Variants in MAGI2 observed in about 807,000 individuals in gnomAD.
MAGI2 encodes the protein membrane-associated guanylate kinase, WW and PDZ domain-containing protein 2.
In MAGI2, 35 loss-of-function variants were observed where a neutral mutation model predicts 133.3. The observed-to-expected ratio is 0.26, with a 90% confidence interval of 0.20 to 0.35. The LOEUF (loss-of-function observed/expected upper bound fraction) is 0.35. Among genes scored for constraint, MAGI2 ranks in the 10% least tolerant of loss-of-function variants. MAGI2 has a pLI of 1.00. For missense variants in MAGI2, 1,636 were observed against 1,863.4 expected (o/e 0.88, Z 2.25); for synonymous variants, 729 against 710.6 (o/e 1.03, Z -0.41).
At chr7:78,903,142 C>T (rs577210625) in intron 2 of MAGI2, among the ~76,000 whole-genome samples, 6 of 135,260 alleles carry the variant, frequency 4.4e-5, no homozygotes, top group African/African-American at 1.4e-4. Context: ...GCCACTTTCT[C>T]GGGATTCATG....
intron 3 of MAGI2, among the ~76,000 whole-genome samples, chr7:78,542,652 C>T (rs1028053255): frequency 1.3e-5 from 2 of 152,066 alleles, no homozygotes; most frequent in Non-Finnish European, 2.9e-5. Context: ...AGCATGAAGT[C>T]CCTGGGAAAG....
chr7:78,277,999 G>A (rs1048006381), intron 9 of MAGI2, among the ~76,000 whole-genome samples: 5 of 152,154 alleles, frequency 3.3e-5, no homozygotes, highest in Non-Finnish European at 7.3e-5. Context: ...ATGTGAATTT[G>A]AAAGTTTAGC....
At chr7:79,335,829 A>G (rs1344944245) in intron 1 of MAGI2, among the ~76,000 whole-genome samples, 2 of 152,086 alleles carry the variant, frequency 1.3e-5, no homozygotes, top group Non-Finnish European at 2.9e-5. Flanking sequence ...TAGGCAATAT[A>G]TATCTCCTTG....
At chr7:78,676,725 A>T (rs751122236) in intron 2 of MAGI2, among the ~76,000 whole-genome samples, 21 of 152,198 alleles carry the variant, frequency 1.4e-4, no homozygotes, top group Admixed American at 4.6e-4. Context: ...TGGATGAATA[A>T]TCATACCTAG....
At chr7:79,064,126 T>G (rs1814068156) in intron 1 of MAGI2, among the ~76,000 whole-genome samples, 1 of 152,062 alleles carries the variant, frequency 6.6e-6, no homozygotes, top group African/African-American at 2.4e-5. Flanking sequence ...AAAAAATATA[T>G]AGTCACATGG....
At chr7:78,088,728 G>A (rs946291412) in intron 20 of MAGI2, among the ~76,000 whole-genome samples, 1 of 152,132 alleles carries the variant, frequency 6.6e-6, no homozygotes, top group African/African-American at 2.4e-5. Context: ...CAGGAGCAAA[G>A]GGTAAGAAAT....
intron 1 of MAGI2, among the ~76,000 whole-genome samples, chr7:79,039,769 G>A (rs965705709): frequency 4.0e-5 from 6 of 149,292 alleles, no homozygotes; most frequent in African/African-American, 1.5e-4. Context: ...ATCACTTGAG[G>A]TTAGGAGTTC....
intron 2 of MAGI2, among the ~76,000 whole-genome samples, chr7:78,822,526 T>C (rs889541218): frequency 6.6e-6 from 1 of 152,182 alleles, no homozygotes; most frequent in Non-Finnish European, 1.5e-5. Flanking sequence ...GCTTTTTTCT[T>C]GCCTTCCTTC....
At chr7:79,221,493 C>A (rs1027664161) in intron 1 of MAGI2, among the ~76,000 whole-genome samples, 1 of 151,946 alleles carries the variant, frequency 6.6e-6, no homozygotes, top group African/African-American at 2.4e-5. Context: ...CATTTTATAT[C>A]AAAGGCAACT....
intron 1 of MAGI2, among the ~76,000 whole-genome samples, chr7:79,346,514 T>C (rs1256695957): frequency 6.6e-6 from 1 of 151,968 alleles, no homozygotes; most frequent in Non-Finnish European, 1.5e-5. Context: ...CACTATTTTA[T>C]CTTGCTCATC....
intron 20 of MAGI2, among the ~76,000 whole-genome samples, chr7:78,082,414 G>A (rs904612928): frequency 1.3e-5 from 2 of 152,102 alleles, no homozygotes; most frequent in Non-Finnish European, 2.9e-5. Flanking sequence ...ATGAGGCTCC[G>A]GGAAGTCAGG....
At chr7:78,654,385 C>T (rs1811906986) in intron 2 of MAGI2, among the ~76,000 whole-genome samples, 1 of 152,018 alleles carries the variant, frequency 6.6e-6, no homozygotes, top group African/African-American at 2.4e-5. Context: ...ATAGATATAT[C>T]AGCACCTCCC....
chr7:78,286,149 G>T (rs546497966), intron 9 of MAGI2, among the ~76,000 whole-genome samples: 2 of 152,018 alleles, frequency 1.3e-5, no homozygotes, highest in Non-Finnish European at 2.9e-5. Context: ...CCTTATTGTA[G>T]GTCAAGGTAA....
intron 5 of MAGI2, among the ~76,000 whole-genome samples, chr7:78,493,077 C>T (rs574891227): frequency 6.6e-6 from 1 of 152,260 alleles, no homozygotes; most frequent in South Asian, 2.1e-4. Flanking sequence ...GGGCATATCC[C>T]AAACTCTTCT....
At chr7:78,310,322 C>T (rs1241421875) in intron 9 of MAGI2, among the ~76,000 whole-genome samples, 1 of 152,232 alleles carries the variant, frequency 6.6e-6, no homozygotes, top group South Asian at 2.1e-4. Context: ...GTAGTCCCAG[C>T]TACTTGGGAG....
At chr7:79,216,768 C>T (rs1019517137) in intron 1 of MAGI2, among the ~76,000 whole-genome samples, 5 of 152,104 alleles carry the variant, frequency 3.3e-5, no homozygotes, top group African/African-American at 1.2e-4. Context: ...TGGGAGCATG[C>T]TCTTTCTCCT....
intron 2 of MAGI2, among the ~76,000 whole-genome samples, chr7:78,981,991 C>T (rs763844979): frequency 7.2e-5 from 11 of 151,828 alleles, no homozygotes; most frequent in Non-Finnish European, 1.2e-4. Flanking sequence ...AGCATCCCAA[C>T]TTCATTTAGT....
At chr7:78,154,188 C>A (rs1224837457) in intron 16 of MAGI2, among the ~76,000 whole-genome samples, 2 of 152,204 alleles carry the variant, frequency 1.3e-5, no homozygotes, top group Non-Finnish European at 2.9e-5. Flanking sequence ...ATCTCCAAAG[C>A]CTATGGACAT....
At chr7:78,457,562 G>A (rs1789452281) in intron 6 of MAGI2, among the ~76,000 whole-genome samples, 1 of 152,076 alleles carries the variant, frequency 6.6e-6, no homozygotes, top group Non-Finnish European at 1.5e-5. Context: ...CAGAGTTCTA[G>A]ACATATGACA....
Sources: gnomAD v4.1 joint callset for allele counts (sites outside exome capture counted in the v4.1 genomes callset) on GRCh38, gnomAD v4.1.1 for gene constraint, MANE v1.5 for transcripts, NCBI Gene and HGNC (gene_info 2026-07-23, HGNC 2026-07-21) for gene names.